SLC16A8: variants seen among roughly 807,000 people sequenced by gnomAD.
SLC16A8 encodes solute carrier family 16 member 8.
SLC16A8 carries 20 observed loss-of-function variants against 22.4 expected under a neutral mutation model. That is an observed-to-expected ratio of 0.89 (90% confidence interval 0.63 to 1.30). The LOEUF is 1.30. Among genes scored for constraint, SLC16A8 ranks in the 50% most tolerant of loss-of-function variants. The pLI is 0.00. For missense variants in SLC16A8, 817 were observed against 740.3 expected, an observed-to-expected ratio of 1.10 and a Z score of -1.20; for synonymous variants, 393 against 358.8, an observed-to-expected ratio of 1.10 and a Z score of -1.08.
In SLC16A8 at chr22:38,082,701, G is replaced by T. The variant is rs1462294115; in HGVS notation, c.173C>A (p.Ala58Asp). Residue 58 changes from alanine (A) to aspartate (D), a missense_variant, in exon 3 of 6, where the codon GCC (alanine) becomes GAC (aspartate). Coordinates refer to ENST00000681075, the MANE Select transcript of SLC16A8 (RefSeq NM_013356.3). ...RDFDAGYSDT[A>D]WVSSIMLAML... ...GGCTAGCATGATGGAGGACACCCAG[G>T]CCGTGTCGCTGTAGCCGGCGTCGAA... 5 of 1,590,048 alleles carry T rather than the reference G, an allele frequency of 3.1e-6. No homozygotes were observed. Among genetic ancestry groups the T allele is most frequent in the Non-Finnish European group, 4.3e-6 (5 of 1,170,088 alleles).
chr22:38,082,851 C>G lies in SLC16A8; in HGVS notation c.23G>C (p.Arg8Pro). The change falls in exon 3 of 6, where the codon CGG (arginine) becomes CCG (proline). Residue 8 changes from arginine (R) to proline (P), a missense_variant. Arg to Pro is a moderately radical substitution (Grantham distance 103). Transcript: ENST00000681075. ...GCCGCCGTCTGGGGGGCCCTCGCCCCGCCGGGGGCCGCCAGCGCCCATCGC... is the reference window on the plus strand; with the variant it reads ...GCCGCCGTCTGGGGGGCCCTCGCCCGGCCGGGGGCCGCCAGCGCCCATCGC... MGAGGPRRGEGPPDGGWG... is the reference protein window; with the variant it reads MGAGGPRPGEGPPDGGWG... 5.2e-6 allele frequency: 8 copies of G among 1,551,114 alleles called. No homozygotes were observed.
At chr22:38,080,736 C>T in intron 5 of SLC16A8, 104 bp downstream of exon 5, 2 of 1,402,490 alleles carry the variant, frequency 1.4e-6, no homozygotes, top group Non-Finnish European at 1.9e-6. Flanking sequence ...CACCCGACTG[C>T]CCCTTCCCCT....
chr22:38,078,322 C>A lies in SLC16A8; in HGVS notation c.*66G>T. ...ACCCCAGACCAGCCTCCCAGCGTAC[C>A]AGGCTCTCTGAGACAAGAAGCTGTG... On this transcript the variant is annotated 3_prime_UTR_variant, in exon 6 of 6. Transcript: ENST00000681075. 1 of 1,477,884 alleles carries A rather than the reference C, an allele frequency of 6.8e-7. No homozygotes were observed. The highest frequency in any genetic ancestry group is 9.1e-7 in the Non-Finnish European group (1 of 1,094,720). 91.5% of individuals were successfully genotyped at this position (1,477,884 alleles called of 1,614,324 possible).
chr22:38,078,756 CCTCA>C, intron 5 of SLC16A8, 52 bp from the exon 6 acceptor site: 6 of 1,517,016 alleles, frequency 4.0e-6, no homozygotes, highest in South Asian at 1.2e-5. Flanking sequence ...GGGGTCCTCC[CCTCA>C]CTCTCCTGCA....
chr22:38,081,410 CGGCGCTGTCCCTGCGCGGTCGCG>C lies in SLC16A8; in HGVS notation c.605_627del (p.Pro202ArgfsTer14). On this transcript the variant is annotated frameshift_variant, in exon 5 of 6. Transcript: ENST00000681075. LOFTEE classifies it high-confidence loss of function. ...CCCGGAGCGTCCCCGGCGCGGTCGC[CGGCGCTGTCCCTGCGCGGTCGCG>C]GGCCCGGCCCGGGCGGCGGCCTCAT... 4 of 1,341,754 alleles carry C rather than the reference CGGCGCTGTCCCTGCGCGGTCGCG, an allele frequency of 3.0e-6. No homozygotes were observed. Among genetic ancestry groups the C allele is most frequent in the Non-Finnish European group, 3.8e-6 (4 of 1,052,678 alleles). The allele number at this position is 1,341,754 out of a possible 1,614,324, so 83.1% of individuals were successfully genotyped here.
intron 3 of SLC16A8, among the ~76,000 whole-genome samples, 156 bp from the exon 4 acceptor site, chr22:38,082,188 A>T (rs1034325204): frequency 6.6e-6 from 1 of 152,226 alleles, no homozygotes; most frequent in African/African-American, 2.4e-5. Context: ...GCATCCTGCG[A>T]GGGCAAGGCC....
At position 38,084,073 on chromosome 22, in the gene SLC16A8, G is replaced by A. The variant is rs1268861976; in HGVS notation, c.-414C>T. The A allele has an allele frequency of 6.6e-6, 1 of 152,640 alleles. No homozygotes were observed. Among genetic ancestry groups the A allele is most frequent in the Admixed American group, 6.5e-5 (1 of 15,286 alleles). The allele number at this position is 152,640 out of a possible 1,614,324, so 9.5% of individuals were successfully genotyped here. On this transcript the variant is annotated 5_prime_UTR_variant, in exon 1 of 6. Coordinates refer to ENST00000681075, the MANE Select transcript of SLC16A8 (RefSeq NM_013356.3). ...GGCCGCCGCCGCAGCTCCCGGTGAA[G>A]CTTACCCGGATGGGGGCTGCCAGAC...
Position 38,081,911 on chromosome 22 carries a change from G to T in SLC16A8, c.336C>A (p.Tyr112Ter). The change falls in exon 4 of 6, where the codon TAC becomes TAA. Residue 112 changes from tyrosine to a stop codon, truncating the protein, a stop_gained. Transcript: ENST00000681075. LOFTEE classifies it high-confidence loss of function. ...ASFATRLLEL[Y>*]LTAGVLTGLG... ...CACCTGTGAGCACCCCAGCGGTCAG[G>T]TAGAGCTCCAGGAGGCGCGTGGCAA... The T allele has an allele frequency of 6.3e-7, 1 of 1,590,390 alleles. No homozygotes were observed.
Position 38,078,259 on chromosome 22 carries a change from G to A in SLC16A8, c.*129C>T. The stretch of plus-strand genomic sequence containing the variant: ...GGAGGCAGTTCCCAGACACCCAGGG[G>A]ATCAACTGGAGCCCAGACGTGGACC... On this transcript the variant is annotated 3_prime_UTR_variant, in exon 6 of 6. Transcript: ENST00000681075. The A allele has an allele frequency of 1.2e-6, 1 of 860,916 alleles. No individual in the cohort carries two copies. Among genetic ancestry groups the A allele is most frequent in the Non-Finnish European group, 1.8e-6 (1 of 553,578 alleles). 53.3% of individuals were successfully genotyped at this position (860,916 alleles called of 1,614,324 possible).
chr22:38,083,025 G>A lies in SLC16A8; in HGVS notation c.-9+17C>T. 1 of 611,106 alleles carries A rather than the reference G, an allele frequency of 1.6e-6. No individual in the cohort carries two copies. The highest frequency in any genetic ancestry group is 2.9e-6 in the Non-Finnish European group (1 of 347,828). The allele number at this position is 611,106 out of a possible 1,614,324, so 37.9% of individuals were successfully genotyped here. ...AGGTCTGGGAACCAAAAGGGGAAAC[G>A]GAGGTAGGACTCTCACCCCAAGTCT... is the stretch of plus-strand genomic sequence containing the variant. On this transcript the variant is annotated intron_variant, in intron 2 of 5. Transcript: ENST00000681075.
chr22:38,081,697 C>T lies in SLC16A8; in HGVS notation c.359-18G>A, dbSNP rs1374965295. ...GCCCAGGCCTGCGGGCGAGGCGGTG[C>T]TGTGCCGGGGTCCCCGGAGAGCCCC... On this transcript the variant is annotated intron_variant, in intron 4 of 5. Transcript: ENST00000681075. 5 of 1,493,016 alleles carry T rather than the reference C, an allele frequency of 3.3e-6. No homozygotes were observed. Among genetic ancestry groups the T allele is most frequent in the Non-Finnish European group, 4.4e-6 (5 of 1,126,864 alleles). 92.5% of individuals were successfully genotyped at this position (1,493,016 alleles called of 1,614,324 possible).
intron 5 of SLC16A8, among the ~76,000 whole-genome samples, chr22:38,079,001 G>A (rs1048903350): frequency 6.6e-6 from 1 of 152,214 alleles, no homozygotes; most frequent in African/African-American, 2.4e-5. Flanking sequence ...CCTGTGACTT[G>A]CTTGGCAGTG....
chr22:38,083,008 G>T, intron 2 of SLC16A8, 34 bp downstream of exon 2: 1 of 635,812 alleles, frequency 1.6e-6, no homozygotes, highest in Non-Finnish European at 2.7e-6. Context: ...TCAGGTCTGG[G>T]AACCAAAAGG....
chr22:38,080,999 C>G lies in SLC16A8; in HGVS notation c.1039G>C (p.Val347Leu). 2 of 1,598,468 alleles carry G rather than the reference C, an allele frequency of 1.3e-6. No homozygotes were observed. Among genetic ancestry groups the G allele is most frequent in the African/African-American group, 1.3e-5 (1 of 75,018 alleles). ...SARARSYGAL[V>L]AFCVAFGLSY... is the part of the protein sequence containing the mutation. ...AGGCCGAAGGCGACGCAGAAGGCGA[C>G]GAGGGCGCCGTAGGAGCGCGCGCGT... is the stretch of plus-strand genomic sequence containing the variant. The change falls in exon 5 of 6, where the codon GTC becomes CTC. Residue 347 changes from valine to leucine, a missense_variant. Transcript: ENST00000681075.
intron 3 of SLC16A8, 117 bp from the exon 4 acceptor site, chr22:38,082,149 C>G: frequency 8.1e-7 from 1 of 1,238,626 alleles, no homozygotes; most frequent in African/African-American, 1.5e-5. Flanking sequence ...CAAGGTCACA[C>G]AGCTTGGAGG....
rs1220693666 is a variant in SLC16A8, at chr22:38,081,138, G to A, written c.900C>T (p.Ile300=). 2 of 1,544,742 alleles carry A rather than the reference G, an allele frequency of 1.3e-6. No individual in the cohort carries two copies. Among genetic ancestry groups the A allele is most frequent in the South Asian group, 2.4e-5 (2 of 83,782 alleles). ...GGGCGCCGCACGCCGGGCGCGCCAC[G>A]ATGTCCACGAAGCCCACGATGGACA... The part of the protein sequence containing the change: ...FLLSIVGFVD[I]VARPACGALA... The change falls in exon 5 of 6, where the codon ATC becomes ATT. Residue 300 remains isoleucine (I), a synonymous_variant. Coordinates refer to ENST00000681075, the MANE Select transcript of SLC16A8 (RefSeq NM_013356.3).
In SLC16A8 at chr22:38,080,879, C is replaced by A; in HGVS notation, c.1159G>T (p.Val387Leu). 1 of 1,549,904 alleles carries A rather than the reference C, an allele frequency of 6.5e-7. No individual in the cohort carries two copies. The highest frequency in any genetic ancestry group is 2.0e-5 in the Admixed American group (1 of 50,456). ...FPSALGLVLLVEAAAVLIGPP... is the reference protein window; with the variant it reads ...FPSALGLVLLLEAAAVLIGPP... ...CCGATGAGCACAGCCGCGGCCTCCA[C>A]GAGCAACACCAGGCCCAGCGCACTG... Residue 387 changes from valine to leucine, a missense_variant, in exon 5 of 6, where the codon GTG becomes TTG. By Grantham distance (32) the Val-to-Leu change is conservative. Transcript: ENST00000681075.
In SLC16A8 at chr22:38,080,937, C is replaced by A. The variant is rs763971240; in HGVS notation, c.1101G>T (p.Val367=). Residue 367 remains valine, a synonymous_variant, in exon 5 of 6, where the codon GTG becomes GTT. Transcript: ENST00000681075. ...YGMVGALQFE[V]LMAAVGAPRF... ...GGGGCGCGCCCACAGCCGCCATGAG[C>A]ACCTCGAACTGCAGCGCGCCCACCA... 2 of 1,584,508 alleles carry A rather than the reference C, an allele frequency of 1.3e-6. No homozygotes were observed. Among genetic ancestry groups the A allele is most frequent in the South Asian group, 2.3e-5 (2 of 87,896 alleles).
In SLC16A8 at chr22:38,078,211, G is replaced by T; in HGVS notation, c.*177C>A. On this transcript the variant is annotated 3_prime_UTR_variant, in exon 6 of 6. Transcript: ENST00000681075. ...TTCACTGGCGATGGGGCAGGGCCTG[G>T]CGGAACTTGGGGCACAGATGAGGGA... is the stretch of plus-strand genomic sequence containing the variant. 1 of 620,544 alleles carries T rather than the reference G, an allele frequency of 1.6e-6. No homozygotes were observed. The highest frequency in any genetic ancestry group is 2.8e-6 in the Non-Finnish European group (1 of 355,822). The allele number at this position is 620,544 out of a possible 1,614,324, so 38.4% of individuals were successfully genotyped here. A position where few individuals can be genotyped will look rare whatever the true frequency, so the allele number is the denominator to read the frequency against.
Sources: gnomAD v4.1 joint callset for allele counts (sites outside exome capture counted in the v4.1 genomes callset) on GRCh38, gnomAD v4.1.1 for gene constraint, MANE v1.5 for transcripts, NCBI Gene and HGNC (gene_info 2026-07-23, HGNC 2026-07-21) for gene names.